SH2B1: variants seen among roughly 807,000 people sequenced by gnomAD.
SH2B1 encodes the protein SH2B adapter protein 1.
A neutral mutation model predicts 62.6 loss-of-function variants in SH2B1; 15 were observed. That is an observed-to-expected ratio of 0.24 (90% CI 0.16 to 0.37). The LOEUF (loss-of-function observed/expected upper bound fraction) is 0.37. SH2B1 is among the 10% of genes least tolerant of loss of function. The probability of loss-of-function intolerance (pLI) is 1.00; values close to 1 mark genes in which losing one functional copy is unlikely to be tolerated. For missense variants in SH2B1, 925 were observed against 1,015.6 expected (o/e 0.91, Z 1.21); for synonymous variants, 443 against 438.0 (o/e 1.01, Z -0.14).
chr16:28,852,817 T>TACATATATATTTATATATATATAC (rs1962191663), intron 1 of SH2B1, among the ~76,000 whole-genome samples: 1 of 51,900 alleles, frequency 1.9e-5, no homozygotes, highest in Non-Finnish European at 3.1e-5. Flanking sequence ...TACATATATT[T>TACATATATATTTATATATATATAC]ACATATATAT....
At chr16:28,869,467 C>A in intron 4 of SH2B1, 84 bp downstream of exon 4, 2 of 1,250,062 alleles carry the variant, frequency 1.6e-6, no homozygotes, top group Non-Finnish European at 2.2e-6. Flanking sequence ...CCTCTCCAGA[C>A]GCCACTGTGC....
chr16:28,871,638 CAG>C (rs1405491186), intron 4 of SH2B1, 140 bp from the exon 5 acceptor site: 9 of 692,082 alleles, frequency 1.3e-5, no homozygotes, highest in African/African-American at 3.6e-5. Flanking sequence ...GTAAAAGCAT[CAG>C]GGGTCACTAC....
rs1367459486 is a variant in SH2B1, at chr16:28,872,823, G to A, written c.1897+118G>A. 1 of 1,325,232 alleles carries A rather than the reference G, an allele frequency of 7.5e-7. No individual in the cohort carries two copies. Among genetic ancestry groups the A allele is most frequent in the African/African-American group, 1.5e-5 (1 of 68,652 alleles). 82.1% of individuals were successfully genotyped at this position (1,325,232 alleles called of 1,614,324 possible). ...TCACAAGGAGAAGCTTTGCTTGGGA[G>A]AGCAGGGTAGAGGAGGCTGTTGTGC... On this transcript the variant is annotated intron_variant, in intron 7 of 7. Coordinates refer to ENST00000684370, the MANE Select transcript of SH2B1 (RefSeq NM_001387430.1). This position sits in a 1 kb window ranked among gnomAD's most constrained non-coding sequence, Gnocchi z 5.3.
At chr16:28,859,763 TA>T (rs1962396062), upstream of SH2B1, among the ~76,000 whole-genome samples, 1 of 151,154 alleles carries the variant, frequency 6.6e-6, no homozygotes, top group Non-Finnish European at 1.5e-5. Context: ...AAAGCAGAAC[TA>T]AAAGAGACTG....
rs1962538077 is a variant in SH2B1, at chr16:28,863,893, A to G, written c.-2202A>G. 22 of 1,494,134 alleles carry G rather than the reference A, an allele frequency of 1.5e-5. No homozygotes were observed. The highest frequency in any genetic ancestry group is 2.0e-5 in the Non-Finnish European group (22 of 1,127,566). 92.6% of individuals were successfully genotyped at this position (1,494,134 alleles called of 1,614,324 possible). A position where few individuals can be genotyped will look rare whatever the true frequency, so the allele number is the denominator to read the frequency against. Reference sequence around the variant, plus strand: ...AGTGGGTGGGGGCGCAGGGAGCGGGAGCCGCCGCCGCCGCCGCCGCCGCCG... The same window carrying G: ...AGTGGGTGGGGGCGCAGGGAGCGGGGGCCGCCGCCGCCGCCGCCGCCGCCG... On this transcript the variant is annotated 5_prime_UTR_variant, in exon 1 of 8. Transcript: ENST00000684370.
chr16:28,872,300 C>T lies in SH2B1; in HGVS notation c.1624C>T (p.Leu542=). The change falls in exon 6 of 8, where the codon CTG becomes TTG. Residue 542 remains leucine, a synonymous_variant. Coordinates refer to ENST00000684370, the MANE Select transcript of SH2B1 (RefSeq NM_001387430.1). This position sits in a 1 kb window ranked among gnomAD's most constrained non-coding sequence, Gnocchi z 5.3. ...LSRLKAAQLV[L]TGGTGSHGVF... ...TCGGCTCAAGGCTGCACAGTTGGTG[C>T]TGACTGGCGGCACTGGCTCCCACGG... 1 of 1,614,122 alleles carries T rather than the reference C, an allele frequency of 6.2e-7. No homozygotes were observed. The highest frequency in any genetic ancestry group is 8.5e-7 in the Non-Finnish European group (1 of 1,179,978).
intron 1 of SH2B1, among the ~76,000 whole-genome samples, chr16:28,850,839 A>C (rs1031202021): frequency 7.7e-6 from 1 of 130,526 alleles, no homozygotes; most frequent in Admixed American, 8.0e-5. Flanking sequence ...AGCCTGGGCG[A>C]CAGAGTGAGC....
chr16:28,869,328 A>C lies in SH2B1; in HGVS notation c.1254A>C (p.Leu418=), dbSNP rs35895052. The part of the protein sequence containing the change: ...ELSCLNHSES[L]PSQDLLLGPS... Reference sequence around the variant, plus strand: ...CCTGCCTGAATCACTCGGAGAGTCTACCCAGCCAGGACCTGCTGCTTGGAC... The same window carrying C: ...CCTGCCTGAATCACTCGGAGAGTCTCCCCAGCCAGGACCTGCTGCTTGGAC... Residue 418 remains leucine (L), a synonymous_variant, in exon 4 of 8, where the codon CTA becomes CTC. Transcript: ENST00000684370. The C allele has an allele frequency of 5.6e-6, 9 of 1,613,918 alleles. No homozygotes were observed. Among genetic ancestry groups the C allele is most frequent in the Non-Finnish European group, 7.6e-6 (9 of 1,180,014 alleles).
At chr16:28,851,181 A>AAAAG in intron 1 of SH2B1, among the ~76,000 whole-genome samples, 1 of 150,774 alleles carries the variant, frequency 6.6e-6, no homozygotes, top group Non-Finnish European at 1.5e-5. Flanking sequence ...TCAAAAAGAA[A>AAAAG]AAAAAAAAAA....
Position 28,869,208 on chromosome 16 carries a change from ACCCTGC to A in SH2B1, c.1137_1142del (p.Cys380_Pro381del). 1 of 1,613,808 alleles carries A rather than the reference ACCCTGC, an allele frequency of 6.2e-7. No individual in the cohort carries two copies. Among genetic ancestry groups the A allele is most frequent in the Non-Finnish European group, 8.5e-7 (1 of 1,179,930 alleles). ...AGCACCATCTTCCCTGTCTCTGCAGACCCTGCCCTGCTACCAGTCCCCGCCCCATGA... is the reference window on the plus strand; with the variant it reads ...AGCACCATCTTCCCTGTCTCTGCAGACCTGCTACCAGTCCCCGCCCCATGA... On this transcript the variant is annotated inframe_deletion and splice_region_variant, in exon 4 of 8. Transcript: ENST00000684370.
At chr16:28,851,545 C>T (rs980460637) in intron 1 of SH2B1, among the ~76,000 whole-genome samples, 3 of 140,130 alleles carry the variant, frequency 2.1e-5, no homozygotes, top group Middle Eastern at 3.5e-3. Flanking sequence ...CTGTAACCTC[C>T]GCCTCCCGGG....
In SH2B1 at chr16:28,857,770, C is replaced by T. The variant is rs570344070; in HGVS notation, c.-300-3848C>T. Among the ~76,000 whole-genome samples the T allele has an allele frequency of 1.9e-3, 286 of 149,928 alleles. 2 individuals carry two copies. The highest frequency in any genetic ancestry group is 3.1e-3 in the Non-Finnish European group (207 of 67,622). On this transcript the variant is annotated intron_variant, in intron 1 of 10. Transcript: ENST00000322610. ...TTTTTTTTTTTTTGAGACGGAGTCTCGCTCTGTTGCCCAGGCTGGAGTGCA... is the reference window on the plus strand; with the variant it reads ...TTTTTTTTTTTTTGAGACGGAGTCTTGCTCTGTTGCCCAGGCTGGAGTGCA...
At chr16:28,847,816 CTTTTT>C (rs34950443) in intron 1 of SH2B1, among the ~76,000 whole-genome samples, 2 of 84,244 alleles carry the variant, frequency 2.4e-5, no homozygotes, top group Admixed American at 1.2e-4. Context: ...AAGACCCCAT[CTTTTT>C]TTTTTTTTTT....
intron 1 of SH2B1, among the ~76,000 whole-genome samples, chr16:28,850,213 C>A (rs949423141): frequency 1.3e-5 from 2 of 152,156 alleles, no homozygotes; most frequent in Admixed American, 6.6e-5. Flanking sequence ...TAATTCCAAG[C>A]CATAGAACTG....
rs1167013949 is a variant in SH2B1, at chr16:28,866,313, G to A, written c.219G>A (p.Leu73=). ...CCCGCCGTTTTGCTGAGCTCTTCCTGCAGCACTTTGAAGCCGAGGTGGCCC... is the reference window on the plus strand; with the variant it reads ...CCCGCCGTTTTGCTGAGCTCTTCCTACAGCACTTTGAAGCCGAGGTGGCCC... ...AFSRRFAELF[L]QHFEAEVARA... The change falls in exon 1 of 8, where the codon CTG becomes CTA. Residue 73 remains leucine (L), a synonymous_variant. Transcript: ENST00000684370. This position sits in a 1 kb window ranked among gnomAD's most constrained non-coding sequence, Gnocchi z 6.3. 5 of 1,611,438 alleles carry A rather than the reference G, an allele frequency of 3.1e-6. No individual in the cohort carries two copies. The highest frequency in any genetic ancestry group is 3.3e-5 in the Admixed American group (2 of 59,940).
In SH2B1 at chr16:28,872,793, G is replaced by T. The variant is rs1269767558; in HGVS notation, c.1897+88G>T. ...CCAGAAAGATGGGGCGGGGAGGGGG[G>T]ACTATCACAAGGAGAAGCTTTGCTT... On this transcript the variant is annotated intron_variant, in intron 7 of 7. Coordinates refer to ENST00000684370, the MANE Select transcript of SH2B1 (RefSeq NM_001387430.1). This position sits in a 1 kb window ranked among gnomAD's most constrained non-coding sequence, Gnocchi z 5.3. 7 of 1,518,444 alleles carry T rather than the reference G, an allele frequency of 4.6e-6. No homozygotes were observed. The highest frequency in any genetic ancestry group is 1.4e-5 in the African/African-American group (1 of 72,770). The allele number at this position is 1,518,444 out of a possible 1,614,324, so 94.1% of individuals were successfully genotyped here. A position where few individuals can be genotyped will look rare whatever the true frequency, so the allele number is the denominator to read the frequency against.
chr16:28,863,357 C>T (rs1962516035), upstream of SH2B1: 1 of 281,644 alleles, frequency 3.6e-6, no homozygotes, highest in Admixed American at 5.0e-5. Context: ...TAAGTTCAGG[C>T]TCCGCCTCCC....
chr16:28,855,516 C>T (rs1012185252), intron 1 of SH2B1, among the ~76,000 whole-genome samples: 9 of 152,250 alleles, frequency 5.9e-5, no homozygotes, highest in East Asian at 1.9e-4. Context: ...CCACCGCGCC[C>T]GGCCCCCATG....
rs759027187 is a variant in SH2B1 at position 28,866,116 on chromosome 16, G to A, written c.22G>A (p.Glu8Lys). 11 of 1,582,714 alleles carry A rather than the reference G, an allele frequency of 7.0e-6. No homozygotes were observed. MNGAPSPEDGASPSSPPL... is the reference protein window; with the variant it reads MNGAPSPKDGASPSSPPL... ...CATCATGAATGGTGCCCCTTCCCCA[G>A]AGGACGGGGCCTCCCCCTCGTCTCC... Residue 8 changes from glutamate (E) to lysine (K), a missense_variant, in exon 1 of 8, where the codon GAG becomes AAG. By Grantham distance (56) the Glu-to-Lys change is moderately conservative. Around this residue, in one of 3 missense-constraint regions of SH2B1, gnomAD observed 683 missense variants for 704.0 expected, o/e 0.97. Transcript: ENST00000684370. This position sits in a 1 kb window ranked among gnomAD's most constrained non-coding sequence, Gnocchi z 6.3.
Sources: gnomAD v4.1 joint callset for allele counts (sites outside exome capture counted in the v4.1 genomes callset) on GRCh38, gnomAD v4.1.1 for gene constraint, gnomAD v4.1.1 regional missense constraint, Gnocchi (gnomAD v3.1) non-coding constraint, MANE v1.5 for transcripts, NCBI Gene and HGNC (gene_info 2026-07-23, HGNC 2026-07-21) for gene names.